Variants in SH3KBP1 observed in about 807,000 individuals in gnomAD.
The protein encoded by SH3KBP1 is SH3 domain containing kinase binding protein 1, also known as SH3 domain-containing kinase-binding protein 1.
A neutral mutation model predicts 50.1 loss-of-function variants in SH3KBP1; 8 were observed. The ratio of observed to expected loss-of-function variants is 0.16; its 90% CI spans 0.09 to 0.29. The LOEUF (loss-of-function observed/expected upper bound fraction) is 0.29. Ranked by LOEUF, SH3KBP1 falls within the 10% of genes least tolerant of loss-of-function variation. The pLI, the probability that SH3KBP1 is intolerant of heterozygous loss-of-function variation, is 1.00. For missense variants in SH3KBP1, 377 were observed against 535.2 expected, an observed-to-expected ratio of 0.70 and a Z score of 2.92; for synonymous variants, 227 against 218.6, an observed-to-expected ratio of 1.04 and a Z score of -0.34.
chrX:19,802,916 C>A (rs1481389396), intron 2 of SH3KBP1, among the ~76,000 whole-genome samples: 2 of 111,542 alleles, frequency 1.8e-5, no homozygotes, highest in Non-Finnish European at 3.8e-5. Flanking sequence ...TCGGGAAGGG[C>A]ACCAATCTCT....
At chrX:19,621,241 A>ATTTTTTTT (rs35328957) in intron 8 of SH3KBP1, among the ~76,000 whole-genome samples, 2 of 64,574 alleles carry the variant, frequency 3.1e-5, no homozygotes, top group Non-Finnish European at 2.9e-5. Flanking sequence ...CACCTGGCTA[A>ATTTTTTTT]TTTTTTTTTT....
At chrX:19,673,679 C>T (rs1239088075) in intron 6 of SH3KBP1, among the ~76,000 whole-genome samples, 1 of 111,409 alleles carries the variant, frequency 9.0e-6, no homozygotes, top group Non-Finnish European at 1.9e-5. Context: ...TCAGCACCTC[C>T]CCAGTTATCT....
chrX:19,643,138 C>G (rs1028836972), intron 7 of SH3KBP1, among the ~76,000 whole-genome samples: 2 of 108,174 alleles, frequency 1.8e-5, no homozygotes, highest in Admixed American at 2.0e-4. Flanking sequence ...ACATAGGTGT[C>G]GTATCAAAAT....
rs1255519889 is a variant in SH3KBP1 at position 19,583,785 on chromosome X, TTAA to T, written c.1298+4855_1298+4857del. ...ATAATTATTAATAATTATGGTGCTA[TTAA>T]TAATATATATTATTTATGTATACTT... On this transcript the variant is annotated intron_variant, in intron 12 of 17. Transcript: ENST00000397821. Among the ~76,000 whole-genome samples the T allele has an allele frequency of 1.7e-4, 18 of 104,556 alleles. No individual in the cohort carries two copies. The East Asian group carries it at 2.6e-3, about 15-fold the overall frequency. The allele number at this position is 104,556 out of a possible 115,157, so 90.8% of individuals were successfully genotyped here.
chrX:19,632,358 A>G lies in SH3KBP1; in HGVS notation c.803-400T>C, dbSNP rs1053521375. Among the ~76,000 whole-genome samples the G allele has an allele frequency of 3.6e-5, 4 of 112,554 alleles. 1 individual carries two copies. ...AAGTTTTGCCTCACTGCCTTTTCCC[A>G]CACATTACTAAATTAGAAACAAGGT... is the stretch of plus-strand genomic sequence containing the variant. On this transcript the variant is annotated intron_variant, in intron 7 of 17. Coordinates refer to ENST00000397821, the MANE Select transcript of SH3KBP1 (RefSeq NM_031892.3).
intron 2 of SH3KBP1, among the ~76,000 whole-genome samples, chrX:19,787,999 C>G (rs1302654420): frequency 1.8e-5 from 2 of 111,198 alleles, no homozygotes; most frequent in Non-Finnish European, 3.8e-5. Context: ...GTCCTTATCC[C>G]CAGTATCCAT....
intron 16 of SH3KBP1, among the ~76,000 whole-genome samples, chrX:19,540,203 G>C (rs916632520): frequency 1.8e-5 from 2 of 110,782 alleles, no homozygotes; most frequent in African/African-American, 6.6e-5. Context: ...GACTTTAAGG[G>C]GTTAGAGGTA....
intron 2 of SH3KBP1, among the ~76,000 whole-genome samples, chrX:19,771,463 C>T (rs746388647): frequency 3.9e-4 from 43 of 111,454 alleles, no homozygotes; most frequent in African/African-American, 1.4e-3. Flanking sequence ...GGTGGTGCAG[C>T]TCTGCTTGAA....
At chrX:19,848,460 A>C (rs2068419262) in intron 1 of SH3KBP1, among the ~76,000 whole-genome samples, 1 of 112,741 alleles carries the variant, frequency 8.9e-6, no homozygotes, top group Non-Finnish European at 1.9e-5. Context: ...CATCAAATTA[A>C]TTTGATGTCT....
chrX:19,682,921 A>C (rs905079533), intron 6 of SH3KBP1, among the ~76,000 whole-genome samples: 13 of 109,786 alleles, frequency 1.2e-4, no homozygotes, highest in South Asian at 3.9e-4. Context: ...AAAGAAAAAA[A>C]AACAACAACA....
intron 1 of SH3KBP1, among the ~76,000 whole-genome samples, chrX:19,874,068 A>AAAAAAAATATATAT (rs1491537486): frequency 3.5e-5 from 2 of 57,033 alleles, no homozygotes; most frequent in African/African-American, 3.2e-4. Flanking sequence ...AAAAAAAAAA[A>AAAAAAAATATATAT]ATATATATAT....
chrX:19,687,528 G>A (rs761035658), intron 5 of SH3KBP1: 1 of 708,496 alleles, frequency 1.4e-6, no homozygotes, highest in East Asian at 3.2e-5. Flanking sequence ...GCATAAGCAT[G>A]AGCAGCTCAG....
intron 2 of SH3KBP1, among the ~76,000 whole-genome samples, chrX:19,776,401 A>G (rs911297384): frequency 9.1e-6 from 1 of 109,749 alleles, no homozygotes; most frequent in Non-Finnish European, 1.9e-5. Context: ...GGAGTGGATG[A>G]GGTATCCACT....
In SH3KBP1 at chrX:19,788,571, C is replaced by A. The variant is rs189015915; in HGVS notation, c.163-42130G>T. Among the ~76,000 whole-genome samples the A allele has an allele frequency of 1.3e-3, 151 of 111,869 alleles. 5 individuals are homozygous for A. The highest frequency in any genetic ancestry group is 1.2e-3 in the Non-Finnish European group (65 of 53,210). On this transcript the variant is annotated intron_variant, in intron 2 of 17. Transcript: ENST00000397821. ...CATGTGGTACTTTGTCACAGCAGCA[C>A]AAGCAAACTAATACAATGGGTGTCA...
At chrX:19,756,035 C>T (rs1396418525) in intron 2 of SH3KBP1, among the ~76,000 whole-genome samples, 5 of 110,423 alleles carry the variant, frequency 4.5e-5, no homozygotes, top group African/African-American at 9.9e-5. Flanking sequence ...TGCTCCTGGC[C>T]GAATAAACCA....
intron 1 of SH3KBP1, among the ~76,000 whole-genome samples, chrX:19,879,297 C>T (rs952932528): frequency 1.8e-5 from 2 of 111,854 alleles, no homozygotes; most frequent in Non-Finnish European, 3.8e-5. Flanking sequence ...GCAAGAGCCT[C>T]ACGAGGGGAA....
At chrX:19,581,111 A>G (rs769935156) in intron 12 of SH3KBP1, among the ~76,000 whole-genome samples, 1 of 110,901 alleles carries the variant, frequency 9.0e-6, no homozygotes, top group Non-Finnish European at 1.9e-5. Flanking sequence ...AACACCATGC[A>G]TGGCTAATTT....
At position 19,541,380 on chromosome X, in the gene SH3KBP1, C is replaced by A. The variant is rs188354026; in HGVS notation, c.1892+545G>T. ...GTGTGCAGCCATGCAGGAAGAAAGA[C>A]CCCCACTGCCCCGCCCCGCCCACTG... On this transcript the variant is annotated intron_variant, in intron 16 of 17. Coordinates refer to ENST00000397821, the MANE Select transcript of SH3KBP1 (RefSeq NM_031892.3). Among the ~76,000 whole-genome samples the A allele has an allele frequency of 1.7e-3, 185 of 111,710 alleles. 1 individual carries two copies. Among genetic ancestry groups the A allele is most frequent in the African/African-American group, 5.3e-3 (162 of 30,777 alleles).
chrX:19,709,038 G>T (rs2063717645), intron 3 of SH3KBP1, among the ~76,000 whole-genome samples: 2 of 112,142 alleles, frequency 1.8e-5, no homozygotes, highest in Admixed American at 9.4e-5. Context: ...AGGAGAGAGT[G>T]ATCTATTCTT....
Sources: gnomAD v4.1 joint callset for allele counts (sites outside exome capture counted in the v4.1 genomes callset) on GRCh38, gnomAD v4.1.1 for gene constraint, MANE v1.5 for transcripts, NCBI Gene and HGNC (gene_info 2026-07-23, HGNC 2026-07-21) for gene names.